The following SLC15A5 variants were observed in gnomAD, a reference collection of about 807,000 sequenced individuals.
SLC15A5 encodes the protein solute carrier family 15 member 5.
Under a neutral mutation model 56.1 loss-of-function variants are expected in SLC15A5, and 58 were observed. That is an observed-to-expected ratio of 1.03 (90% CI 0.84 to 1.29). The LOEUF (loss-of-function observed/expected upper bound fraction) is 1.29, where lower values mean the gene tolerates loss of function less well. SLC15A5 is among the 50% of genes most tolerant of loss of function. The probability of loss-of-function intolerance (pLI) is 0.00; values close to 1 mark genes in which losing one functional copy is unlikely to be tolerated. For missense variants in SLC15A5, 681 were observed against 672.1 expected, an observed-to-expected ratio of 1.01 and a Z score of -0.15; for synonymous variants, 264 against 250.5, an observed-to-expected ratio of 1.05 and a Z score of -0.51.
intron 6 of SLC15A5, among the ~76,000 whole-genome samples, chr12:16,219,812 A>G (rs1004371625): frequency 1.3e-5 from 2 of 152,262 alleles, no homozygotes; most frequent in East Asian, 1.9e-4. Flanking sequence ...GATAATATCA[A>G]TAAGTCTGTC....
chr12:16,254,953 A>C (rs1397338779), intron 3 of SLC15A5, among the ~76,000 whole-genome samples: 4 of 152,166 alleles, frequency 2.6e-5, no homozygotes, highest in African/African-American at 7.2e-5. Flanking sequence ...AGTTAACAAT[A>C]AAATATTATA....
rs558190155 is a variant in SLC15A5 at position 16,267,799 on chromosome 12, G to A, written c.584+4762C>T. Among the ~76,000 whole-genome samples, 100 of 90,412 alleles carry A rather than the reference G, an allele frequency of 1.1e-3. 21 individuals are homozygous for A. The highest frequency in any genetic ancestry group is 4.0e-3 in the African/African-American group (91 of 22,526). 59.3% of individuals were successfully genotyped at this position (90,412 alleles called of 152,430 possible). A position where few individuals can be genotyped will look rare whatever the true frequency, so the allele number is the denominator to read the frequency against. The stretch of plus-strand genomic sequence containing the variant: ...TGTCACCCAGACTAGACTGGTGCAG[G>A]GTGTTCACAGCTCACTGTAATCTCA... On this transcript the variant is annotated intron_variant, in intron 2 of 8. Transcript: ENST00000344941.
At chr12:16,256,979 A>G (rs1476868682) in intron 3 of SLC15A5, among the ~76,000 whole-genome samples, 2 of 151,922 alleles carry the variant, frequency 1.3e-5, no homozygotes, top group African/African-American at 4.8e-5. Context: ...GGCATTTGGA[A>G]TGTTTAAACC....
intron 6 of SLC15A5, among the ~76,000 whole-genome samples, chr12:16,218,233 T>G (rs940876173): frequency 6.6e-6 from 1 of 151,826 alleles, no homozygotes; most frequent in African/African-American, 2.4e-5. Context: ...CCAAAAAAAT[T>G]GTAAGGAAAT....
At chr12:16,216,737 G>T (rs555279436) in intron 7 of SLC15A5, among the ~76,000 whole-genome samples, 156 bp downstream of exon 7, 23 of 152,196 alleles carry the variant, frequency 1.5e-4, no homozygotes, top group African/African-American at 5.3e-4. Flanking sequence ...AATGAATACA[G>T]CAAGAGTGTA....
intron 1 of SLC15A5, among the ~76,000 whole-genome samples, chr12:16,277,110 T>C (rs1190667488): frequency 1.2e-5 from 1 of 81,864 alleles, no homozygotes; most frequent in East Asian, 3.1e-4. Context: ...TGCAATGATA[T>C]AGGCACAAAA....
intron 7 of SLC15A5, among the ~76,000 whole-genome samples, chr12:16,205,590 TACATATACACACACACACAC>T (rs1864010199): frequency 2.1e-4 from 12 of 57,058 alleles, no homozygotes; most frequent in Non-Finnish European, 2.2e-4. Context: ...CATATATATA[TACATATACACACACACACAC>T]ATATATATAC....
At chr12:16,240,853 C>A (rs2136258596) in intron 4 of SLC15A5, among the ~76,000 whole-genome samples, 1 of 152,180 alleles carries the variant, frequency 6.6e-6, no homozygotes. Flanking sequence ...CGCTCTGTCA[C>A]CCAGGCTGGA....
chr12:16,252,714 A>C (rs1864531714), intron 3 of SLC15A5, among the ~76,000 whole-genome samples: 1 of 152,102 alleles, frequency 6.6e-6, no homozygotes. Context: ...ATATTGTTAA[A>C]ATGTCCATAC....
rs770536920 is a variant in SLC15A5 at position 16,277,393 on chromosome 12, C to G, written c.293G>C (p.Arg98Thr). The G allele has an allele frequency of 1.0e-5, 16 of 1,536,218 alleles. No homozygotes were observed. In the African/African-American group the frequency reaches 1.9e-4, roughly 18 times the overall value. ...GTSILTPVFV[R>T]WLTDVYLGRN... is the part of the protein sequence containing the mutation. Reference sequence around the variant, plus strand: ...TCCTAAATAGACATCAGTGAGCCATCTGACAAACACAGGGGTAAGTATTGA... The same window carrying G: ...TCCTAAATAGACATCAGTGAGCCATGTGACAAACACAGGGGTAAGTATTGA... Residue 98 changes from arginine to threonine, a missense_variant, in exon 1 of 9, where the codon AGA becomes ACA. Coordinates refer to ENST00000344941, the MANE Select transcript of SLC15A5 (RefSeq NM_001170798.1).
In SLC15A5 at chr12:16,239,735, T is replaced by C. The variant is rs776443309; in HGVS notation, c.1108A>G (p.Ser370Gly). The C allele has an allele frequency of 6.5e-7, 1 of 1,537,382 alleles. No homozygotes were observed. Among genetic ancestry groups the C allele is most frequent in the South Asian group, 1.2e-5 (1 of 84,054 alleles). ...CTCTTAGAGGGAAACAGGCAGGTGC[T>C]GAAATACTCCAGAAAAGGAGCCAGA... The part of the protein sequence containing the change: ...LILAPFLEYF[S>G]TCLFPSKRVG... Residue 370 changes from serine to glycine, a missense_variant, in exon 5 of 9, where the codon AGC (serine) becomes GGC (glycine). Coordinates refer to ENST00000344941, the MANE Select transcript of SLC15A5 (RefSeq NM_001170798.1).
At chr12:16,231,491 T>C (rs1864299217) in intron 5 of SLC15A5, among the ~76,000 whole-genome samples, 1 of 152,136 alleles carries the variant, frequency 6.6e-6, no homozygotes, top group East Asian at 1.9e-4. Context: ...ACCCTAATCC[T>C]CCTAATCCCC....
At chr12:16,239,281 A>T (rs1382471901) in intron 5 of SLC15A5, among the ~76,000 whole-genome samples, 1 of 152,234 alleles carries the variant, frequency 6.6e-6, no homozygotes, top group Non-Finnish European at 1.5e-5. Flanking sequence ...GTAACTTACA[A>T]TACTAATCCT....
At chr12:16,197,216 A>T (rs1394419400) in intron 7 of SLC15A5, among the ~76,000 whole-genome samples, 1 of 152,064 alleles carries the variant, frequency 6.6e-6, no homozygotes, top group Admixed American at 6.6e-5. Context: ...GCTCATCTTC[A>T]TTCTAGTCCC....
intron 7 of SLC15A5, 94 bp from the exon 8 acceptor site, chr12:16,194,547 T>G (rs575596025): frequency 1.3e-6 from 1 of 791,766 alleles, no homozygotes; most frequent in Non-Finnish European, 1.9e-6. Context: ...TTTGTTCGCT[T>G]CAGTAATATC....
intron 5 of SLC15A5, among the ~76,000 whole-genome samples, chr12:16,226,581 TC>T (rs1041189122): frequency 6.6e-6 from 1 of 152,186 alleles, no homozygotes; most frequent in African/African-American, 2.4e-5. Context: ...GTCTGGCATT[TC>T]TCTGATTTTC....
Position 16,244,720 on chromosome 12 carries a change from C to T in SLC15A5, c.835G>A (p.Asp279Asn). Reference sequence around the variant, plus strand: ...GCATGGTCTAACTGGCTTGTCACGTCTCTGCCAAGATGGCAGTATTGCGGG... The same window carrying T: ...GCATGGTCTAACTGGCTTGTCACGTTTCTGCCAAGATGGCAGTATTGCGGG... Reference protein sequence around the residue: ...CHPQYCHLGRDVTSQLDHAKE... With the variant: ...CHPQYCHLGRNVTSQLDHAKE... Residue 279 changes from aspartate (D) to asparagine (N), a missense_variant, in exon 4 of 9, where the codon GAC (aspartate) becomes AAC (asparagine). Transcript: ENST00000344941. 6.5e-7 allele frequency: 1 copy of T among 1,537,606 alleles called. No homozygotes were observed. Among genetic ancestry groups the T allele is most frequent in the Non-Finnish European group, 8.7e-7 (1 of 1,146,994 alleles).
At chr12:16,221,402 T>C (rs1039598199) in intron 6 of SLC15A5, among the ~76,000 whole-genome samples, 4 of 152,158 alleles carry the variant, frequency 2.6e-5, no homozygotes, top group Admixed American at 6.5e-5. Context: ...GAAAGCTCAA[T>C]AATGAGAAGC....
At chr12:16,277,131 C>CTA (rs913052624) in intron 1 of SLC15A5, among the ~76,000 whole-genome samples, 194 bp downstream of exon 1, 26 of 150,260 alleles carry the variant, frequency 1.7e-4, no homozygotes, top group African/African-American at 6.4e-4. Context: ...CATTCTCTAA[C>CTA]ACACACACAC....
Sources: gnomAD v4.1 joint callset for allele counts (sites outside exome capture counted in the v4.1 genomes callset) on GRCh38, gnomAD v4.1.1 for gene constraint, MANE v1.5 for transcripts, NCBI Gene and HGNC (gene_info 2026-07-23, HGNC 2026-07-21) for gene names.